TPRG1: variants seen among roughly 807,000 people sequenced by gnomAD.
The protein encoded by TPRG1 is tumor protein p63 regulated 1.
In TPRG1, 29 loss-of-function variants were observed where a neutral mutation model predicts 29.3. The ratio of observed to expected loss-of-function variants is 0.99; its 90% CI spans 0.74 to 1.35. TPRG1 has a LOEUF of 1.35. TPRG1 is among the 40% of genes most tolerant of loss of function. TPRG1 has a pLI of 0.00. For synonymous variants in TPRG1, 130 were observed against 116.8 expected, an observed-to-expected ratio of 1.11 and a Z score of -0.73; for missense variants, 327 against 335.0, an observed-to-expected ratio of 0.98 and a Z score of 0.19.
chr3:189,022,461 T>G (rs2152125115), intron 3 of TPRG1, among the ~76,000 whole-genome samples: 1 of 151,584 alleles, frequency 6.6e-6, no homozygotes, highest in African/African-American at 2.4e-5. Context: ...GACAGGACCC[T>G]CAGCTGCAGG....
At chr3:189,282,758 C>T (rs1717384664) in intron 4 of TPRG1, among the ~76,000 whole-genome samples, 1 of 152,206 alleles carries the variant, frequency 6.6e-6, no homozygotes, top group Non-Finnish European at 1.5e-5. Context: ...CCACAATCCA[C>T]TAAGCAAATC....
At chr3:189,070,128 G>C (rs1428131004) in intron 4 of TPRG1, among the ~76,000 whole-genome samples, 1 of 152,146 alleles carries the variant, frequency 6.6e-6, no homozygotes, top group Non-Finnish European at 1.5e-5. Context: ...CTGCTTGGAA[G>C]AATGTCCAGT....
rs2108928438 is a variant in TPRG1 at position 189,235,998 on chromosome 3, A to G, written c.303-2735A>G. ...TATTCCTATATTTGTTGTTATTGCCACTTAAAGCTCAATGCTATTAATGTT... is the reference window on the plus strand; with the variant it reads ...TATTCCTATATTTGTTGTTATTGCCGCTTAAAGCTCAATGCTATTAATGTT... On this transcript the variant is annotated intron_variant, in intron 3 of 5. Coordinates refer to ENST00000345063, the MANE Select transcript of TPRG1 (RefSeq NM_198485.4). 2.0e-5 allele frequency among the ~76,000 whole-genome samples: 3 copies of G among 152,330 alleles called. No individual in the cohort carries two copies. In the Middle Eastern group the frequency reaches 0.01, roughly 518 times the overall value.
At chr3:189,254,814 C>T (rs908515083) in intron 4 of TPRG1, among the ~76,000 whole-genome samples, 3 of 152,074 alleles carry the variant, frequency 2.0e-5, no homozygotes, top group African/African-American at 7.2e-5. Flanking sequence ...CATGATTTGG[C>T]TCTCTGTATG....
chr3:189,128,328 C>T (rs904513689), intron 2 of TPRG1, among the ~76,000 whole-genome samples: 9 of 151,982 alleles, frequency 5.9e-5, no homozygotes, highest in Non-Finnish European at 1.3e-4. Context: ...GGGAAGAAGA[C>T]ACCTTCAAGA....
intron 4 of TPRG1, among the ~76,000 whole-genome samples, chr3:189,256,275 G>A (rs1177080781): frequency 1.3e-5 from 2 of 152,148 alleles, no homozygotes; most frequent in Non-Finnish European, 2.9e-5. Flanking sequence ...TATTTACCCA[G>A]TAGTCATTCA....
intron 1 of TPRG1, chr3:189,123,590 A>C (rs1198768411): frequency 2.6e-5 from 4 of 152,244 alleles, no homozygotes; most frequent in African/African-American, 9.6e-5. Flanking sequence ...TTTGGTAGGC[A>C]GCCTGAAATT....
At position 189,179,331 on chromosome 3, in the gene TPRG1, T is replaced by C. The variant is rs148136569; in HGVS notation, c.-10+7200T>C. Among the ~76,000 whole-genome samples the C allele has an allele frequency of 7.4e-3, 1,123 of 152,306 alleles. 3 individuals are homozygous for C. Among genetic ancestry groups the C allele is most frequent in the Non-Finnish European group, 0.013 (880 of 68,016 alleles). On this transcript the variant is annotated intron_variant, in intron 1 of 5. Coordinates refer to ENST00000345063, the MANE Select transcript of TPRG1 (RefSeq NM_198485.4). ...AATGGAAAGCTTTGCACACCATTTG[T>C]CACTTCCCCAGTGGTGGCTCTCCTC...
intron 4 of TPRG1, among the ~76,000 whole-genome samples, chr3:189,061,210 C>T (rs1401447660): frequency 6.6e-6 from 1 of 152,116 alleles, no homozygotes; most frequent in Non-Finnish European, 1.5e-5. Flanking sequence ...ACTCCTTGTT[C>T]AATAAACGGT....
intron 1 of TPRG1, among the ~76,000 whole-genome samples, chr3:189,113,773 TG>T (rs1393546393): frequency 8.5e-6 from 1 of 118,320 alleles, no homozygotes; most frequent in Non-Finnish European, 1.7e-5. Flanking sequence ...TGTTGTGGGG[TG>T]GGGGGACGGG....
intron 3 of TPRG1, among the ~76,000 whole-genome samples, chr3:189,137,804 T>G (rs893053842): frequency 1.3e-5 from 2 of 152,042 alleles, no homozygotes; most frequent in Admixed American, 1.3e-4. Context: ...TAGGCCTTGG[T>G]TGGTGGATGG....
chr3:189,182,910 T>G (rs1730420047), intron 1 of TPRG1, among the ~76,000 whole-genome samples: 1 of 152,202 alleles, frequency 6.6e-6, no homozygotes, highest in Admixed American at 6.5e-5. Context: ...CTAATTAACA[T>G]ACCCATCACC....
intron 4 of TPRG1, among the ~76,000 whole-genome samples, chr3:189,242,478 G>A (rs1301714526): frequency 1.3e-5 from 2 of 152,036 alleles, no homozygotes; most frequent in Non-Finnish European, 2.9e-5. Context: ...ATGTTTGGTT[G>A]TGACATATTA....
At chr3:189,224,828 C>G (rs1176458180) in intron 3 of TPRG1, among the ~76,000 whole-genome samples, 1 of 152,174 alleles carries the variant, frequency 6.6e-6, no homozygotes, top group African/African-American at 2.4e-5. Flanking sequence ...TGCCCACTGC[C>G]TTACACCAGC....
intron 5 of TPRG1, among the ~76,000 whole-genome samples, chr3:189,166,105 T>G (rs1464153181): frequency 6.6e-6 from 1 of 152,216 alleles, no homozygotes; most frequent in Non-Finnish European, 1.5e-5. Context: ...TTCCAGACCC[T>G]CAATAACATG....
intron 3 of TPRG1, among the ~76,000 whole-genome samples, chr3:189,223,404 T>C (rs969108639): frequency 1.1e-4 from 16 of 152,202 alleles, no homozygotes; most frequent in Non-Finnish European, 1.6e-4. Context: ...AAAGCATCTC[T>C]CTTGCCAGAA....
Position 189,207,517 on chromosome 3 carries a change from T to A in TPRG1, c.133T>A (p.Ser45Thr). ...GATGCCAAGACAGATTTCAAGGCAG[T>A]CAAGTGTGACCGAATCAACTCTTTA... Reference protein sequence around the residue: ...DPMPRQISRQSSVTESTLYPN... With the variant: ...DPMPRQISRQTSVTESTLYPN... Residue 45 changes from serine (S) to threonine (T), a missense_variant, in exon 2 of 6, where the codon TCA (serine) becomes ACA (threonine). By Grantham distance (58) the Ser-to-Thr change is moderately conservative. Coordinates refer to ENST00000345063, the MANE Select transcript of TPRG1 (RefSeq NM_198485.4). 6.2e-7 allele frequency: 1 copy of A among 1,614,052 alleles called. No homozygotes were observed. Among genetic ancestry groups the A allele is most frequent in the Non-Finnish European group, 8.5e-7 (1 of 1,179,964 alleles).
At chr3:189,179,946 GAA>G (rs2108689824) in intron 1 of TPRG1, among the ~76,000 whole-genome samples, 1 of 152,304 alleles carries the variant, frequency 6.6e-6, no homozygotes, top group South Asian at 2.1e-4. Context: ...ATTTATGAAA[GAA>G]AGAGGTTTAG....
chr3:189,231,323 T>C (rs765241737), intron 3 of TPRG1, among the ~76,000 whole-genome samples: 2 of 150,958 alleles, frequency 1.3e-5, no homozygotes, highest in African/African-American at 2.4e-5. Context: ...GACTTCTCTT[T>C]TAATTTTTTT....
Sources: allele counts gnomAD v4.1 joint callset (sites outside exome capture counted in the v4.1 genomes callset), GRCh38; gene constraint gnomAD v4.1.1; transcripts MANE v1.5; gene names NCBI Gene and HGNC (gene_info 2026-07-23, HGNC 2026-07-21).